Variants in PALLD observed in about 807,000 individuals in gnomAD.
PALLD encodes palladin.
A neutral mutation model predicts 123.5 loss-of-function variants in PALLD; 61 were observed. The observed-to-expected ratio is 0.49, with a 90% CI of 0.40 to 0.61. PALLD has a LOEUF of 0.61. Ranked by LOEUF, PALLD falls within the 20% of genes least tolerant of loss-of-function variation. PALLD has a pLI of 0.00. For synonymous variants in PALLD, 465 were observed against 496.4 expected (o/e 0.94, Z 0.84); for missense variants, 1,273 against 1,377.0 (o/e 0.92, Z 1.20).
chr4:168,749,140 G>T (rs1368762206), intron 10 of PALLD, among the ~76,000 whole-genome samples: 1 of 152,032 alleles, frequency 6.6e-6, no homozygotes, highest in Non-Finnish European at 1.5e-5. Flanking sequence ...GCACTTCCCT[G>T]CCACTCTCTC....
chr4:168,855,118 G>T (rs1748403132), intron 10 of PALLD, among the ~76,000 whole-genome samples: 1 of 129,324 alleles, frequency 7.7e-6, no homozygotes, highest in Non-Finnish European at 1.5e-5. Context: ...TTGAGACGGA[G>T]TCTCACTCTG....
At chr4:168,801,752 C>T (rs932621575) in intron 10 of PALLD, among the ~76,000 whole-genome samples, 1 of 152,132 alleles carries the variant, frequency 6.6e-6, no homozygotes, top group Non-Finnish European at 1.5e-5. Flanking sequence ...TGATTAACAC[C>T]CCGTCGTGCT....
chr4:168,602,707 A>G (rs1772790626), intron 2 of PALLD, among the ~76,000 whole-genome samples: 1 of 152,232 alleles, frequency 6.6e-6, no homozygotes, highest in South Asian at 2.1e-4. Flanking sequence ...TAGTATCCAC[A>G]GAACTGCAGA....
chr4:168,725,179 A>T (rs957469073), intron 10 of PALLD, among the ~76,000 whole-genome samples: 2 of 152,210 alleles, frequency 1.3e-5, no homozygotes, highest in African/African-American at 2.4e-5. Context: ...ACTTCACTTT[A>T]TATGTCAGCA....
chr4:168,897,447 T>C (rs1004167689), intron 13 of PALLD, among the ~76,000 whole-genome samples: 3 of 152,304 alleles, frequency 2.0e-5, no homozygotes, highest in Non-Finnish European at 2.9e-5. Context: ...CTTGTCTTCA[T>C]TGCACTTTTT....
At chr4:168,860,817 A>G (rs76957537) in intron 10 of PALLD, among the ~76,000 whole-genome samples, 3,471 of 152,292 alleles carry the variant, frequency 0.023, 135 homozygotes, top group African/African-American at 0.077. Context: ...AGTCTCAAAA[A>G]ACAAAAAATT....
chr4:168,566,636 T>G (rs1431407235), intron 2 of PALLD, among the ~76,000 whole-genome samples: 2 of 152,176 alleles, frequency 1.3e-5, no homozygotes, highest in African/African-American at 4.8e-5. Flanking sequence ...GTACTGATTC[T>G]TGAGTCCATG....
chr4:168,680,604 A>G (rs1398001691), intron 3 of PALLD, among the ~76,000 whole-genome samples: 2 of 151,754 alleles, frequency 1.3e-5, no homozygotes, highest in Admixed American at 1.3e-4. Flanking sequence ...AGGCTGCACA[A>G]TTCTGTGCTA....
chr4:168,547,052 G>T (rs913895062), intron 2 of PALLD, among the ~76,000 whole-genome samples: 1 of 151,882 alleles, frequency 6.6e-6, no homozygotes. Flanking sequence ...ATTCCAACCT[G>T]TTCATACATT....
At chr4:168,579,674 C>T (rs974332072) in intron 2 of PALLD, among the ~76,000 whole-genome samples, 3 of 151,798 alleles carry the variant, frequency 2.0e-5, no homozygotes, top group Non-Finnish European at 4.4e-5. Flanking sequence ...CTTAACGGGG[C>T]ATTGTTTTTT....
At chr4:168,598,659 G>A (rs2149713832) in intron 2 of PALLD, 1 of 331,930 alleles carries the variant, frequency 3.0e-6, no homozygotes, top group Middle Eastern at 1.0e-3. Context: ...GAACTCTGAA[G>A]CTTTCTGTCA....
rs531455364 is a variant in PALLD, at chr4:168,679,073, G to T, written c.1088-2259G>T. ...GTGTGTGTAGGTGCGTGTGTGGTGG[G>T]GTGAGTATGGATGTGTTTGGGGTGT... On this transcript the variant is annotated intron_variant, in intron 3 of 21. Coordinates refer to ENST00000505667, the MANE Select transcript of PALLD (RefSeq NM_001166108.2). Among the ~76,000 whole-genome samples the T allele has an allele frequency of 5.4e-3, 759 of 140,074 alleles. 10 individuals carry two copies. Among genetic ancestry groups the T allele is most frequent in the African/African-American group, 0.019 (696 of 36,684 alleles). The allele number at this position is 140,074 out of a possible 152,430, so 91.9% of individuals were successfully genotyped here.
In PALLD at chr4:168,711,702, A is replaced by G; in HGVS notation, c.1743A>G (p.Pro581=). 6.2e-7 allele frequency: 1 copy of G among 1,614,118 alleles called. No individual in the cohort carries two copies. Residue 581 remains proline (P), a synonymous_variant, in exon 10 of 22, where the codon CCA becomes CCG. Coordinates refer to ENST00000505667, the MANE Select transcript of PALLD (RefSeq NM_001166108.2). ...TSSLELASKK[P]SEIQQVNNPE... Reference sequence around the variant, plus strand: ...CCTTGGAGTTGGCTTCAAAGAAACCATCTGAGATCCAGCAGGTGAACAACC... The same window carrying G: ...CCTTGGAGTTGGCTTCAAAGAAACCGTCTGAGATCCAGCAGGTGAACAACC...
chr4:168,499,194 A>AG (rs1398757594), intron 1 of PALLD, among the ~76,000 whole-genome samples: 1 of 144,408 alleles, frequency 6.9e-6, no homozygotes, highest in East Asian at 2.0e-4. Flanking sequence ...AAAAAAAAAA[A>AG]AAAAAAAAAA....
rs1432796023 is a variant in PALLD, at chr4:168,837,671, A to G, written c.1965-53251A>G. Among the ~76,000 whole-genome samples the G allele has an allele frequency of 2.0e-5, 3 of 152,222 alleles. No individual in the cohort carries two copies. The South Asian group carries it at 6.2e-4, about 32-fold the overall frequency. On this transcript the variant is annotated intron_variant, in intron 10 of 21. Transcript: ENST00000505667. ...AGTACTATCAGCACTCCCATCTTAA[A>G]AATGATGAAAGTGAGATTTTAAGAG...
At chr4:168,912,357 T>C (rs1460419208) in intron 15 of PALLD, among the ~76,000 whole-genome samples, 2 of 152,224 alleles carry the variant, frequency 1.3e-5, no homozygotes, top group African/African-American at 4.8e-5. Context: ...CTCTTGCTGT[T>C]ACCTTTGGCA....
intron 10 of PALLD, among the ~76,000 whole-genome samples, chr4:168,823,353 T>C (rs186517717): frequency 2.6e-5 from 4 of 152,256 alleles, no homozygotes; most frequent in Admixed American, 1.3e-4. Flanking sequence ...TTTCCTGATG[T>C]TGTCTCTGAA....
At chr4:168,806,316 C>T (rs1181522442) in intron 10 of PALLD, among the ~76,000 whole-genome samples, 2 of 152,166 alleles carry the variant, frequency 1.3e-5, no homozygotes, top group Non-Finnish European at 2.9e-5. Context: ...TGCCCACCTC[C>T]GTCTCCCAAA....
At chr4:168,755,232 CAAA>C (rs34076268) in intron 10 of PALLD, among the ~76,000 whole-genome samples, 6 of 104,530 alleles carry the variant, frequency 5.7e-5, no homozygotes, top group South Asian at 3.2e-4. Flanking sequence ...GACTCCGTCT[CAAA>C]AAAAAAAAAA....
Sources: gnomAD v4.1 joint callset for allele counts (sites outside exome capture counted in the v4.1 genomes callset) on GRCh38, gnomAD v4.1.1 for gene constraint, MANE v1.5 for transcripts, NCBI Gene and HGNC (gene_info 2026-07-23, HGNC 2026-07-21) for gene names.